DCC: variants seen among roughly 807,000 people sequenced by gnomAD.
DCC encodes netrin receptor DCC.
In DCC, 58 loss-of-function variants were observed where a neutral mutation model predicts 172.5. The observed-to-expected ratio is 0.34, with a 90% CI of 0.27 to 0.42. The LOEUF is 0.42. Ranked by LOEUF, DCC falls within the 10% of genes least tolerant of loss-of-function variation. The pLI, the probability that DCC is intolerant of heterozygous loss-of-function variation, is 1.00. For missense variants in DCC, 1,740 were observed against 1,791.0 expected (o/e 0.97, Z 0.51); for synonymous variants, 709 against 644.5 (o/e 1.10, Z -1.52).
intron 12 of DCC, among the ~76,000 whole-genome samples, chr18:53,286,641 T>C (rs80238995): frequency 0.039 from 5,976 of 152,254 alleles, 158 homozygotes; most frequent in Non-Finnish European, 0.061. Context: ...GTAGGACTCA[T>C]TGCTCTGTAT....
intron 2 of DCC, among the ~76,000 whole-genome samples, chr18:52,797,010 C>CT (rs74178683): frequency 0.22 from 32,655 of 148,746 alleles, 4,284 homozygotes; most frequent in South Asian, 0.35. Context: ...TCATTCATTC[C>CT]TTTTTTTTTT....
At chr18:53,017,432 G>C (rs2041824871) in intron 5 of DCC, among the ~76,000 whole-genome samples, 1 of 151,996 alleles carries the variant, frequency 6.6e-6, no homozygotes, top group Admixed American at 6.6e-5. Context: ...ATTTTTAGTG[G>C]TTTCTATCTC....
At chr18:52,914,514 A>G (rs1469594778) in intron 3 of DCC, among the ~76,000 whole-genome samples, 3 of 149,030 alleles carry the variant, frequency 2.0e-5, no homozygotes, top group Non-Finnish European at 4.5e-5. Flanking sequence ...ATAGCTCCGG[A>G]GAAATGGCTT....
intron 27 of DCC, among the ~76,000 whole-genome samples, chr18:53,521,346 T>C (rs914190723): frequency 6.6e-6 from 1 of 152,150 alleles, no homozygotes. Flanking sequence ...GTCCATGCCC[T>C]ATTGTAATAA....
At chr18:53,514,204 G>A (rs1321486856) in intron 27 of DCC, among the ~76,000 whole-genome samples, 4 of 152,056 alleles carry the variant, frequency 2.6e-5, no homozygotes, top group African/African-American at 9.7e-5. Flanking sequence ...AATGACTATT[G>A]GGTACATAAC....
intron 1 of DCC, among the ~76,000 whole-genome samples, chr18:52,495,554 G>A (rs1183682951): frequency 6.6e-6 from 1 of 152,074 alleles, no homozygotes; most frequent in African/African-American, 2.4e-5. Flanking sequence ...ATTTTGGCAA[G>A]TACTTCCTAC....
intron 15 of DCC, among the ~76,000 whole-genome samples, chr18:53,361,332 G>A (rs1344046928): frequency 6.6e-6 from 1 of 152,080 alleles, no homozygotes. Context: ...ATACAAAACC[G>A]TAGTTGTTGG....
At chr18:53,059,130 A>G (rs2042457437) in intron 5 of DCC, among the ~76,000 whole-genome samples, 1 of 152,122 alleles carries the variant, frequency 6.6e-6, no homozygotes, top group Non-Finnish European at 1.5e-5. Flanking sequence ...TTATAAAACC[A>G]TCAGATCTTG....
intron 1 of DCC, among the ~76,000 whole-genome samples, chr18:52,439,637 C>A (rs774150621): frequency 6.6e-6 from 1 of 152,106 alleles, no homozygotes; most frequent in African/African-American, 2.4e-5. Flanking sequence ...TTAATTCAAC[C>A]TGTTAAATAG....
chr18:52,905,406 A>C (rs890659210), intron 2 of DCC, among the ~76,000 whole-genome samples: 4 of 152,224 alleles, frequency 2.6e-5, no homozygotes, highest in Non-Finnish European at 5.9e-5. Flanking sequence ...GTCTAGAAAC[A>C]CAAGCTATCC....
At chr18:52,904,491 C>G (rs1236461133) in intron 2 of DCC, among the ~76,000 whole-genome samples, 1 of 152,138 alleles carries the variant, frequency 6.6e-6, no homozygotes, top group African/African-American at 2.4e-5. Context: ...GTCATTTTAC[C>G]TTTGCCCTTT....
At chr18:52,669,277 T>C (rs2035509747) in intron 1 of DCC, among the ~76,000 whole-genome samples, 1 of 152,176 alleles carries the variant, frequency 6.6e-6, no homozygotes, top group Non-Finnish European at 1.5e-5. Flanking sequence ...CAAGCACTGA[T>C]TTTGGGAGCA....
At chr18:52,377,698 C>CT (rs34881042) in intron 1 of DCC, among the ~76,000 whole-genome samples, 3,986 of 135,988 alleles carry the variant, frequency 0.029, 108 homozygotes, top group African/African-American at 0.054. Context: ...TATTAAGCCA[C>CT]TTTTTTTTTT....
At chr18:52,893,263 A>G (rs2039678755) in intron 2 of DCC, among the ~76,000 whole-genome samples, 2 of 152,228 alleles carry the variant, frequency 1.3e-5, no homozygotes, top group Non-Finnish European at 2.9e-5. Context: ...GGGTAGTCCT[A>G]TGAAACAAAT....
intron 1 of DCC, among the ~76,000 whole-genome samples, chr18:52,469,050 T>G (rs929020838): frequency 6.6e-6 from 1 of 151,126 alleles, no homozygotes; most frequent in Non-Finnish European, 1.5e-5. Context: ...TTTATTTATT[T>G]ATTTATTTAT....
At chr18:52,350,632 T>C (rs965961712) in intron 1 of DCC, among the ~76,000 whole-genome samples, 1 of 152,158 alleles carries the variant, frequency 6.6e-6, no homozygotes, top group Non-Finnish European at 1.5e-5. Flanking sequence ...ATCTGCACTT[T>C]CTGCACATGT....
chr18:52,806,180 G>T (rs910255939), intron 2 of DCC, among the ~76,000 whole-genome samples: 1 of 152,088 alleles, frequency 6.6e-6, no homozygotes, highest in African/African-American at 2.4e-5. Context: ...TTATTTCTTA[G>T]AGCAGTTTTT....
At chr18:52,832,457 A>AAAG in intron 2 of DCC, among the ~76,000 whole-genome samples, 1 of 152,006 alleles carries the variant, frequency 6.6e-6, no homozygotes, top group Non-Finnish European at 1.5e-5. Context: ...ACCCTCAAAA[A>AAAG]CCCTGTGCAC....
chr18:53,170,607 T>C (rs2054998383), intron 8 of DCC, among the ~76,000 whole-genome samples: 1 of 152,226 alleles, frequency 6.6e-6, no homozygotes, highest in East Asian at 1.9e-4. Flanking sequence ...GGTGGTATTT[T>C]GTTATTATAA....
Sources: gnomAD v4.1 joint callset for allele counts (sites outside exome capture counted in the v4.1 genomes callset) on GRCh38, gnomAD v4.1.1 for gene constraint, MANE v1.5 for transcripts, NCBI Gene and HGNC (gene_info 2026-07-23, HGNC 2026-07-21) for gene names.